Variants in MGAT4C observed in about 807,000 individuals in gnomAD.
MGAT4C encodes the protein alpha-1,3-mannosyl-glycoprotein 4-beta-N-acetylglucosaminyltransferase C.
Under a neutral mutation model 40.1 loss-of-function variants are expected in MGAT4C, and 19 were observed. The ratio of observed to expected loss-of-function variants is 0.47; its 90% CI spans 0.33 to 0.70. The LOEUF (loss-of-function observed/expected upper bound fraction) is 0.70. Among genes scored for constraint, MGAT4C ranks in the 30% least tolerant of loss-of-function variants. The pLI, the probability that MGAT4C is intolerant of heterozygous loss-of-function variation, is 0.02. For synonymous variants in MGAT4C, 181 were observed against 187.1 expected (o/e 0.97, Z 0.27); for missense variants, 491 against 563.2 (o/e 0.87, Z 1.30).
intron 3 of MGAT4C, among the ~76,000 whole-genome samples, chr12:86,374,316 G>A (rs1330611850): frequency 6.6e-6 from 1 of 152,078 alleles, no homozygotes; most frequent in Non-Finnish European, 1.5e-5. Flanking sequence ...TGTTGAAAGT[G>A]ATAGTTAGAA....
At chr12:86,644,886 A>G (rs1197425277) in intron 2 of MGAT4C, among the ~76,000 whole-genome samples, 1 of 151,738 alleles carries the variant, frequency 6.6e-6, no homozygotes, top group Non-Finnish European at 1.5e-5. Flanking sequence ...ATTTACTAGA[A>G]GAGAACATAG....
chr12:86,633,482 C>A lies in MGAT4C; in HGVS notation c.-229+93727G>T, dbSNP rs796210670. ...ATACTTTGCAGGCCATAGTAAGAGA[C>A]TGTGACAACCATCCTTTCCAATACT... On this transcript the variant is annotated intron_variant, in intron 2 of 7. Transcript: ENST00000548651. Among the ~76,000 whole-genome samples, 11 of 152,154 alleles carry A rather than the reference C, an allele frequency of 7.2e-5. 1 individual carries two copies. Among genetic ancestry groups the A allele is most frequent in the African/African-American group, 2.4e-4 (10 of 41,546 alleles).
intron 2 of MGAT4C, among the ~76,000 whole-genome samples, chr12:86,603,838 A>G (rs1383166478): frequency 7.0e-6 from 1 of 142,486 alleles, no homozygotes; most frequent in East Asian, 2.1e-4. Context: ...ATAGAAGAAT[A>G]CTATATTGCA....
At chr12:86,795,362 T>G (rs1202339064) in intron 1 of MGAT4C, among the ~76,000 whole-genome samples, 1 of 151,968 alleles carries the variant, frequency 6.6e-6, no homozygotes, top group Non-Finnish European at 1.5e-5. Context: ...ACAGTAGCTC[T>G]CAATGACTTT....
intron 1 of MGAT4C, among the ~76,000 whole-genome samples, chr12:86,185,922 AC>A (rs1031998708): frequency 2.9e-4 from 44 of 151,712 alleles, no homozygotes; most frequent in African/African-American, 1.1e-3. Context: ...TCCCCTCCCC[AC>A]CCCAGAAAAA....
intron 2 of MGAT4C, among the ~76,000 whole-genome samples, chr12:85,995,462 C>G (rs950048301): frequency 6.6e-5 from 10 of 152,258 alleles, no homozygotes; most frequent in Middle Eastern, 3.4e-3. Flanking sequence ...GTAGGCCAAA[C>G]AGTTCCTGAA....
chr12:86,634,820 T>TCCATATTTTTTA (rs1963168392), intron 2 of MGAT4C, among the ~76,000 whole-genome samples: 1 of 152,122 alleles, frequency 6.6e-6, no homozygotes, highest in African/African-American at 2.4e-5. Context: ...GACAGTGATT[T>TCCATATTTTTTA]CCATATTCTT....
intron 3 of MGAT4C, among the ~76,000 whole-genome samples, chr12:86,425,013 C>T (rs1159682633): frequency 1.3e-5 from 2 of 152,144 alleles, no homozygotes; most frequent in African/African-American, 4.8e-5. Flanking sequence ...GCCTCAGCCT[C>T]CCGAACTGCT....
intron 1 of MGAT4C, among the ~76,000 whole-genome samples, chr12:86,214,127 A>G (rs989084704): frequency 6.6e-6 from 1 of 151,852 alleles, no homozygotes; most frequent in African/African-American, 2.4e-5. Context: ...TTCCAATTAC[A>G]CTCTGCAATC....
chr12:86,762,984 A>G (rs2136154534), intron 1 of MGAT4C, among the ~76,000 whole-genome samples: 1 of 152,326 alleles, frequency 6.6e-6, no homozygotes. Flanking sequence ...CTTCTTCAAG[A>G]CATTTTGTTA....
At chr12:86,729,689 A>G (rs560951634) in intron 1 of MGAT4C, among the ~76,000 whole-genome samples, 14 of 152,196 alleles carry the variant, frequency 9.2e-5, no homozygotes, top group African/African-American at 2.6e-4. Context: ...TATTAAAAGG[A>G]TGATATGCAT....
chr12:86,297,971 C>CAT (rs940786598), intron 4 of MGAT4C, among the ~76,000 whole-genome samples: 4 of 151,938 alleles, frequency 2.6e-5, no homozygotes, highest in Admixed American at 6.6e-5. Context: ...TATGTGAAAA[C>CAT]ATATATATAA....
intron 2 of MGAT4C, among the ~76,000 whole-genome samples, chr12:86,452,084 A>G (rs1375702005): frequency 6.6e-6 from 1 of 151,980 alleles, no homozygotes; most frequent in Non-Finnish European, 1.5e-5. Context: ...TGGGCAAATC[A>G]CCTGATTCAG....
At chr12:86,162,749 G>T (rs112218885) in intron 1 of MGAT4C, among the ~76,000 whole-genome samples, 1,653 of 152,224 alleles carry the variant, frequency 0.011, 24 homozygotes, top group African/African-American at 0.038. Context: ...TTGTTAACTA[G>T]GAAAGCAAAT....
chr12:86,828,182 A>G (rs1205235132), intron 1 of MGAT4C, among the ~76,000 whole-genome samples: 1 of 151,118 alleles, frequency 6.6e-6, no homozygotes, highest in East Asian at 2.0e-4. Context: ...TTATTTGTAG[A>G]TTTTTGTCTA....
At position 86,712,178 on chromosome 12, in the gene MGAT4C, C is replaced by T. The variant is rs537769432; in HGVS notation, c.-229+15031G>A. On this transcript the variant is annotated intron_variant, in intron 2 of 7. Transcript: ENST00000548651. ...GTTTGGAGAATAAATAACTTATAAA[C>T]TTATATTTAAAAGATATCCACAATT... Among the ~76,000 whole-genome samples, 8 of 152,018 alleles carry T rather than the reference C, an allele frequency of 5.3e-5. No homozygotes were observed. The East Asian group carries it at 7.7e-4, about 15-fold the overall frequency.
intron 2 of MGAT4C, among the ~76,000 whole-genome samples, chr12:86,027,179 G>C (rs1271269363): frequency 6.6e-6 from 1 of 151,820 alleles, no homozygotes; most frequent in Non-Finnish European, 1.5e-5. Flanking sequence ...AATAGAAGAG[G>C]AAAGGGCTAC....
chr12:86,411,804 C>A (rs1252832268), intron 3 of MGAT4C, among the ~76,000 whole-genome samples: 2 of 152,034 alleles, frequency 1.3e-5, no homozygotes, highest in African/African-American at 4.8e-5. Flanking sequence ...CACACCAGAC[C>A]CTCCCATCAT....
At chr12:86,444,681 T>C (rs767828026) in intron 2 of MGAT4C, among the ~76,000 whole-genome samples, 3 of 152,206 alleles carry the variant, frequency 2.0e-5, no homozygotes, top group Non-Finnish European at 4.4e-5. Context: ...AGTATTAAAT[T>C]TTTATCTTAA....
Sources: gnomAD v4.1 joint callset for allele counts (sites outside exome capture counted in the v4.1 genomes callset) on GRCh38, gnomAD v4.1.1 for gene constraint, MANE v1.5 for transcripts, NCBI Gene and HGNC (gene_info 2026-07-23, HGNC 2026-07-21) for gene names.